BRSK1: variants seen among roughly 807,000 people sequenced by gnomAD.
BRSK1 encodes serine/threonine-protein kinase BRSK1.
A neutral mutation model predicts 86.2 loss-of-function variants in BRSK1; 17 were observed. That is an observed-to-expected ratio of 0.20 (90% CI 0.14 to 0.30). The LOEUF is 0.30. Ranked by LOEUF, BRSK1 falls within the 10% of genes least tolerant of loss-of-function variation. BRSK1 has a pLI of 1.00. For missense variants in BRSK1, 719 were observed against 1,071.9 expected, an observed-to-expected ratio of 0.67 and a Z score of 4.60; for synonymous variants, 464 against 440.1, an observed-to-expected ratio of 1.05 and a Z score of -0.68.
chr19:55,303,209 C>A lies in BRSK1; in HGVS notation c.1029-102C>A. The stretch of plus-strand genomic sequence containing the variant: ...TACTGATACCTAGAAAAAATGGAAC[C>A]ATGGGCAGAAATACAGGGAGCGGAG... On this transcript the variant is annotated intron_variant, in intron 10 of 18. Transcript: ENST00000309383. This position sits in a 1 kb window ranked among gnomAD's most constrained non-coding sequence, Gnocchi z 5.1. The A allele has an allele frequency of 2.2e-6, 2 of 928,676 alleles. No homozygotes were observed. Among genetic ancestry groups the A allele is most frequent in the Non-Finnish European group, 1.7e-6 (1 of 586,028 alleles). 57.5% of individuals were successfully genotyped at this position (928,676 alleles called of 1,614,324 possible). A position where few individuals can be genotyped will look rare whatever the true frequency, so the allele number is the denominator to read the frequency against.
In BRSK1 at chr19:55,284,147, G is replaced by C. The variant is rs1276865900; in HGVS notation, c.-296G>C. On this transcript the variant is annotated 5_prime_UTR_variant, in exon 1 of 19. Transcript: ENST00000309383. ...GCCCGCACCTCAGACCCCCCCGGCG[G>C]GGGGAGGCGCAGGAAGCGGGGGGCC... The C allele has an allele frequency of 4.3e-6, 5 of 1,152,796 alleles. No individual in the cohort carries two copies. The highest frequency in any genetic ancestry group is 4.3e-5 in the Admixed American group (1 of 23,416). 71.4% of individuals were successfully genotyped at this position (1,152,796 alleles called of 1,614,324 possible). A position where few individuals can be genotyped will look rare whatever the true frequency, so the allele number is the denominator to read the frequency against.
In BRSK1 at chr19:55,302,495, G is replaced by T; in HGVS notation, c.858-202G>T. The stretch of plus-strand genomic sequence containing the variant: ...GAGGGGCCGGGGGCCTGGACCCCTC[G>T]GTCGGAGGGAAAAGGGGCTGGAGGT... On this transcript the variant is annotated intron_variant, in intron 9 of 18. Transcript: ENST00000309383. The surrounding 1 kb of genome is among the most constrained non-coding windows in gnomAD (Gnocchi z 6.3). 1 of 681,238 alleles carries T rather than the reference G, an allele frequency of 1.5e-6. No homozygotes were observed. The highest frequency in any genetic ancestry group is 2.0e-5 in the South Asian group (1 of 50,628). The allele number at this position is 681,238 out of a possible 1,614,324, so 42.2% of individuals were successfully genotyped here.
intron 4 of BRSK1, among the ~76,000 whole-genome samples, chr19:55,291,006 C>T (rs201708867): frequency 6.6e-6 from 1 of 151,900 alleles, no homozygotes; most frequent in African/African-American, 2.4e-5. Flanking sequence ...CTAAGGTCTT[C>T]TGTATATTTT....
In BRSK1 at chr19:55,287,708, G is replaced by GC. The variant is rs1326139858; in HGVS notation, c.317+415dup. 6.6e-6 allele frequency among the ~76,000 whole-genome samples: 1 copy of GC among 152,228 alleles called. No homozygotes were observed. The highest frequency in any genetic ancestry group is 1.9e-4 in the East Asian group (1 of 5,196). On this transcript the variant is annotated intron_variant, in intron 3 of 18. Transcript: ENST00000309383. The surrounding 1 kb of genome is among the most constrained non-coding windows in gnomAD (Gnocchi z 5.3). Reference sequence around the variant, plus strand: ...AACCCCAACTCTGGAGCACTGGAGAGCCCCCCTCCTCCCCCGGCATAACTT... The same window carrying GC: ...AACCCCAACTCTGGAGCACTGGAGAGCCCCCCCTCCTCCCCCGGCATAACTT...
chr19:55,294,186 G>C lies in BRSK1; in HGVS notation c.576-28G>C. The C allele has an allele frequency of 6.2e-7, 1 of 1,612,234 alleles. No individual in the cohort carries two copies. ...CTGGGCAGGGGTTTAGAAGCTGGCT[G>C]GAGGCTCACATCAGCTCTCTCCCTC... On this transcript the variant is annotated intron_variant, in intron 5 of 18. Transcript: ENST00000309383. This position sits in a 1 kb window ranked among gnomAD's most constrained non-coding sequence, Gnocchi z 4.9.
At position 55,306,099 on chromosome 19, in the gene BRSK1, A is replaced by C. The variant is rs1262958298; in HGVS notation, c.1891-153A>C. ...CGCTGATAGGATAGAGAAAGCTACAAGTCCTTGCAGGCAGTGGGGCCTCCC... is the reference window on the plus strand; with the variant it reads ...CGCTGATAGGATAGAGAAAGCTACACGTCCTTGCAGGCAGTGGGGCCTCCC... On this transcript the variant is annotated intron_variant, in intron 16 of 18. Transcript: ENST00000309383. This position sits in a 1 kb window ranked among gnomAD's most constrained non-coding sequence, Gnocchi z 4.7. Among the ~76,000 whole-genome samples, 1 of 152,152 alleles carries C rather than the reference A, an allele frequency of 6.6e-6. No individual in the cohort carries two copies. The highest frequency in any genetic ancestry group is 1.5e-5 in the Non-Finnish European group (1 of 68,024).
In BRSK1 at chr19:55,310,796, C is replaced by T. The variant is rs528066978; in HGVS notation, c.2180-1115C>T. On this transcript the variant is annotated intron_variant, in intron 18 of 18. Transcript: ENST00000309383. The surrounding 1 kb of genome is among the most constrained non-coding windows in gnomAD (Gnocchi z 5.0). Reference sequence around the variant, plus strand: ...AATTAGGTCCACTGGACCCCGTTGCCGAGGAAAGCTGGCCTCAGCAACCAG... The same window carrying T: ...AATTAGGTCCACTGGACCCCGTTGCTGAGGAAAGCTGGCCTCAGCAACCAG... Among the ~76,000 whole-genome samples, 12 of 152,124 alleles carry T rather than the reference C, an allele frequency of 7.9e-5. No individual in the cohort carries two copies. Among genetic ancestry groups the T allele is most frequent in the South Asian group, 2.1e-4 (1 of 4,816 alleles).
At chr19:55,299,379 TTTTG>T (rs2088537529) in intron 7 of BRSK1, among the ~76,000 whole-genome samples, 1 of 116,840 alleles carries the variant, frequency 8.6e-6, no homozygotes. Flanking sequence ...TGGTTTTTTT[TTTTG>T]TTTTGTTTTT....
intron 18 of BRSK1, among the ~76,000 whole-genome samples, 185 bp from the exon 19 acceptor site, chr19:55,311,726 G>T (rs1039493861): frequency 6.6e-6 from 1 of 152,142 alleles, no homozygotes; most frequent in Non-Finnish European, 1.5e-5. Flanking sequence ...TGCCACTTGG[G>T]GTGTGTCCTC....
In BRSK1 at chr19:55,308,728, G is replaced by C. The variant is rs1568990215; in HGVS notation, c.2179G>C (p.Asp727His). Residue 727 changes from aspartate to histidine, a missense_variant and splice_region_variant, in exon 18 of 19, where the codon GAC becomes CAC. Asp to His is a moderately conservative substitution (Grantham distance 81). Transcript: ENST00000309383. Reference sequence around the variant, plus strand: ...CCAGCCCTCCGTGCAGGCCCTGGCAGGTGGGTGGTGGGGCCGTGGGTGGTG... The same window carrying C: ...CCAGCCCTCCGTGCAGGCCCTGGCACGTGGGTGGTGGGGCCGTGGGTGGTG... The part of the protein sequence containing the change: ...HDQPSVQALA[D>H]EKNGAQTRPA... 6.4e-7 allele frequency: 1 copy of C among 1,569,734 alleles called. No individual in the cohort carries two copies. The highest frequency in any genetic ancestry group is 2.5e-5 in the East Asian group (1 of 40,628).
chr19:55,308,759 C>A, intron 18 of BRSK1, 31 bp downstream of exon 18: 1 of 305,182 alleles, frequency 3.3e-6, no homozygotes, highest in Non-Finnish European at 5.8e-6. Flanking sequence ...TGGTGGGGGG[C>A]GTGGGTGGCG....
At chr19:55,297,878 G>A (rs1407778150) in intron 7 of BRSK1, among the ~76,000 whole-genome samples, 1 of 152,072 alleles carries the variant, frequency 6.6e-6, no homozygotes, top group Non-Finnish European at 1.5e-5. Context: ...GCAATGGTGC[G>A]ATCTTGGCTC....
chr19:55,284,411 G>T lies in BRSK1; in HGVS notation c.-32G>T. ...GGCGACGGCCGCAGGGGGGGCGGCC[G>T]GGGGACCGGTCGGGCCGGGACCAAG... is the stretch of plus-strand genomic sequence containing the variant. On this transcript the variant is annotated 5_prime_UTR_variant, in exon 1 of 19. Transcript: ENST00000309383. 2 of 1,130,974 alleles carry T rather than the reference G, an allele frequency of 1.8e-6. No homozygotes were observed. The allele number at this position is 1,130,974 out of a possible 1,614,324, so 70.1% of individuals were successfully genotyped here.
Position 55,304,407 on chromosome 19 carries a change from C to A in BRSK1, c.1348-144C>A. 1.8e-6 allele frequency: 2 copies of A among 1,088,180 alleles called. No individual in the cohort carries two copies. The allele number at this position is 1,088,180 out of a possible 1,614,324, so 67.4% of individuals were successfully genotyped here. Reference sequence around the variant, plus strand: ...ATAGAAAGTCTTTGCTATCCTTGCTCTGGGGCCTGGGAAGGAGGATACTTG... The same window carrying A: ...ATAGAAAGTCTTTGCTATCCTTGCTATGGGGCCTGGGAAGGAGGATACTTG... On this transcript the variant is annotated intron_variant, in intron 13 of 18. Transcript: ENST00000309383. This position sits in a 1 kb window ranked among gnomAD's most constrained non-coding sequence, Gnocchi z 5.2.
chr19:55,284,029 A>G lies in BRSK1; in HGVS notation c.-414A>G. ...GATGTCAGCGTGCCGGAGAGAAAGG[A>G]CGAGGTGGCGGGGGGAGGCGGAGAG... On this transcript the variant is annotated 5_prime_UTR_variant, in exon 1 of 19. Transcript: ENST00000309383. 1 of 1,219,996 alleles carries G rather than the reference A, an allele frequency of 8.2e-7. No individual in the cohort carries two copies. The highest frequency in any genetic ancestry group is 4.3e-5 in the Admixed American group (1 of 23,062). The allele number at this position is 1,219,996 out of a possible 1,614,324, so 75.6% of individuals were successfully genotyped here. A position where few individuals can be genotyped will look rare whatever the true frequency, so the allele number is the denominator to read the frequency against.
chr19:55,295,450 G>A (rs1031396671), intron 7 of BRSK1, among the ~76,000 whole-genome samples: 2 of 152,160 alleles, frequency 1.3e-5, no homozygotes, highest in Admixed American at 6.6e-5. Context: ...CACTGGTAAT[G>A]GGAAAGATAC....
At position 55,302,528 on chromosome 19, in the gene BRSK1, C is replaced by G. The variant is rs113639662; in HGVS notation, c.858-169C>G. 4.7e-6 allele frequency: 4 copies of G among 851,314 alleles called. No individual in the cohort carries two copies. The highest frequency in any genetic ancestry group is 7.2e-6 in the Non-Finnish European group (4 of 552,442). 52.7% of individuals were successfully genotyped at this position (851,314 alleles called of 1,614,324 possible). A position where few individuals can be genotyped will look rare whatever the true frequency, so the allele number is the denominator to read the frequency against. The stretch of plus-strand genomic sequence containing the variant: ...GGAAAAGGGGCTGGAGGTCTGGACT[C>G]CTGGGTCTGAGATGGGGGGCGAGGT... On this transcript the variant is annotated intron_variant, in intron 9 of 18. Coordinates refer to ENST00000309383, the MANE Select transcript of BRSK1 (RefSeq NM_032430.2). The surrounding 1 kb of genome is among the most constrained non-coding windows in gnomAD (Gnocchi z 6.3).
At position 55,295,837 on chromosome 19, in the gene BRSK1, C is replaced by G. The variant is rs561920657; in HGVS notation, c.678+1440C>G. Among the ~76,000 whole-genome samples, 787 of 152,176 alleles carry G rather than the reference C, an allele frequency of 5.2e-3. 4 individuals carry two copies. The highest frequency in any genetic ancestry group is 8.1e-3 in the Non-Finnish European group (548 of 68,004). ...TACAAAAACTAGCCGGGCTTGGTGG[C>G]GCATGCCTGTAGTCCCAGCTACTCA... On this transcript the variant is annotated intron_variant, in intron 7 of 18. Coordinates refer to ENST00000309383, the MANE Select transcript of BRSK1 (RefSeq NM_032430.2).
At chr19:55,292,135 A>G (rs1401198410) in intron 4 of BRSK1, among the ~76,000 whole-genome samples, 4 of 152,130 alleles carry the variant, frequency 2.6e-5, no homozygotes, top group Non-Finnish European at 5.9e-5. Flanking sequence ...CTCTAGGGGG[A>G]GATATTCAAC....
Sources: gnomAD v4.1 joint callset for allele counts (sites outside exome capture counted in the v4.1 genomes callset) on GRCh38, gnomAD v4.1.1 for gene constraint, Gnocchi (gnomAD v3.1) non-coding constraint, MANE v1.5 for transcripts, NCBI Gene and HGNC (gene_info 2026-07-23, HGNC 2026-07-21) for gene names.